Variants in ZNF765 observed in about 807,000 individuals in gnomAD.
ZNF765 encodes the protein zinc finger protein 765.
ZNF765 carries 37 observed loss-of-function variants against 44.7 expected under a neutral mutation model. That is an observed-to-expected ratio of 0.83 (90% CI 0.64 to 1.09). ZNF765 has a LOEUF of 1.09. Ranked by LOEUF, ZNF765 falls within the 50% of genes least tolerant of loss-of-function variation. ZNF765 has a pLI of 0.00. For missense variants in ZNF765, 594 were observed against 626.1 expected (o/e 0.95, Z 0.55); for synonymous variants, 201 against 213.7 (o/e 0.94, Z 0.52).
chr19:53,414,472 CACACACACACACACACA>C (rs2085860013), downstream of ZNF765, among the ~76,000 whole-genome samples: 4 of 18,312 alleles, frequency 2.2e-4, no homozygotes, highest in African/African-American at 1.1e-3. Context: ...CACACACACA[CACACACACACACACACA>C]CCCCCCCCCC....
At chr19:53,397,809 T>C in intron 1 of ZNF765, 134 bp from the exon 2 acceptor site, 1 of 905,606 alleles carries the variant, frequency 1.1e-6, no homozygotes, top group Non-Finnish European at 1.6e-6. Flanking sequence ...TGTAGGAGTT[T>C]ATTGTCCCTG....
chr19:53,412,070 T>G (rs754147037), downstream of ZNF765: 4 of 184,118 alleles, frequency 2.2e-5, no homozygotes, highest in Admixed American at 6.4e-5. Flanking sequence ...CCAGTATTGA[T>G]TGAATAGAAG....
At chr19:53,400,701 G>T (rs1235024213) in intron 2 of ZNF765, among the ~76,000 whole-genome samples, 1 of 147,450 alleles carries the variant, frequency 6.8e-6, no homozygotes, top group Admixed American at 6.8e-5. Context: ...TGGGGAAAAT[G>T]ACAACCCTTT....
chr19:53,409,983 A>T lies in ZNF765; in HGVS notation c.*856A>T, dbSNP rs1379208367. On this transcript the variant is annotated 3_prime_UTR_variant, in exon 4 of 4. Coordinates refer to ENST00000396408, the MANE Select transcript of ZNF765 (RefSeq NM_001040185.3). ...ATTGCAAATCATTGGAGAATCCATAATGAAGAGAGATCCTACAAGTGTGAT... is the reference window on the plus strand; with the variant it reads ...ATTGCAAATCATTGGAGAATCCATATTGAAGAGAGATCCTACAAGTGTGAT... The T allele has an allele frequency of 9.2e-6, 5 of 544,920 alleles. No individual in the cohort carries two copies. The highest frequency in any genetic ancestry group is 6.7e-5 in the Admixed American group (3 of 44,674). 33.8% of individuals were successfully genotyped at this position (544,920 alleles called of 1,614,324 possible).
exon 4 of ZNF765, chr19:53,425,973 TTGTC>T (rs2085936764): frequency 6.6e-6 from 1 of 152,412 alleles, no homozygotes; most frequent in Non-Finnish European, 1.5e-5. Context: ...TGGCATCTCT[TTGTC>T]TGTGTCTTTA....
chr19:53,407,707 C>T lies in ZNF765; in HGVS notation c.152C>T (p.Ser51Phe). The change falls in exon 4 of 4, where the codon TCC becomes TTC. Residue 51 changes from serine (S) to phenylalanine (F), a missense_variant. Ser to Phe is a radical substitution (Grantham distance 155). This residue lies in a region of ZNF765 where 567 missense variants were observed against 572.6 expected (regional missense o/e 0.99). Transcript: ENST00000396408. ...TGTGTATACTTTTTAGATATCTCTT[C>T]CAAATGCATGATGAAGGAGTTCTCG... is the stretch of plus-strand genomic sequence containing the variant. ...YRNLVSLDIS[S>F]KCMMKEFSST... The T allele has an allele frequency of 6.5e-7, 1 of 1,547,792 alleles. No individual in the cohort carries two copies. The highest frequency in any genetic ancestry group is 1.7e-4 in the Middle Eastern group (1 of 5,732).
intron 2 of ZNF765, among the ~76,000 whole-genome samples, chr19:53,399,732 T>A (rs1309673044): frequency 6.6e-6 from 1 of 152,024 alleles, no homozygotes; most frequent in African/African-American, 2.4e-5. Context: ...GTTTCTTACA[T>A]AGGTAAACTA....
chr19:53,409,658 C>A lies in ZNF765; in HGVS notation c.*531C>A. ...GCAAGACCTTTAGTCAGAACTCATACCTTACACGCCATCGTAGACTTCATA... is the reference window on the plus strand; with the variant it reads ...GCAAGACCTTTAGTCAGAACTCATAACTTACACGCCATCGTAGACTTCATA... On this transcript the variant is annotated 3_prime_UTR_variant, in exon 4 of 4. Coordinates refer to ENST00000396408, the MANE Select transcript of ZNF765 (RefSeq NM_001040185.3). 8.1e-7 allele frequency: 1 copy of A among 1,231,166 alleles called. No individual in the cohort carries two copies. Among genetic ancestry groups the A allele is most frequent in the Non-Finnish European group, 1.2e-6 (1 of 835,278 alleles). 76.3% of individuals were successfully genotyped at this position (1,231,166 alleles called of 1,614,324 possible).
chr19:53,395,998 GAAA>G (rs55835959), intron 1 of ZNF765, among the ~76,000 whole-genome samples: 108 of 144,120 alleles, frequency 7.5e-4, no homozygotes, highest in African/African-American at 9.8e-4. Flanking sequence ...AAATGTGGGG[GAAA>G]AAAAAAAAAA....
rs1373602740 is a variant in ZNF765, at chr19:53,408,722, C to G, written c.1167C>G (p.Ser389Arg). The change falls in exon 4 of 4, where the codon AGC (serine) becomes AGG (arginine). Residue 389 changes from serine (S) to arginine (R), a missense_variant. Coordinates refer to ENST00000396408, the MANE Select transcript of ZNF765 (RefSeq NM_001040185.3). ...GEKPYKCNEC[S>R]KTFSHKSSLT... Reference sequence around the variant, plus strand: ...AACCTTACAAGTGTAATGAGTGTAGCAAGACCTTTAGTCACAAGTCATCTC... The same window carrying G: ...AACCTTACAAGTGTAATGAGTGTAGGAAGACCTTTAGTCACAAGTCATCTC... 3 of 1,575,260 alleles carry G rather than the reference C, an allele frequency of 1.9e-6. No homozygotes were observed. The highest frequency in any genetic ancestry group is 8.6e-7 in the Non-Finnish European group (1 of 1,157,156).
At chr19:53,413,757 T>C (rs1203684483), downstream of ZNF765, among the ~76,000 whole-genome samples, 1 of 151,530 alleles carries the variant, frequency 6.6e-6, no homozygotes, top group Non-Finnish European at 1.5e-5. Flanking sequence ...CCTTGGACTT[T>C]ACTATATTGG....
chr19:53,405,665 A>G (rs4803104), intron 3 of ZNF765, among the ~76,000 whole-genome samples: 121,787 of 147,218 alleles, frequency 0.83, 50,664 homozygotes, highest in Admixed American at 0.87. Flanking sequence ...GTCAACACCC[A>G]TGACCAAATT....
At chr19:53,425,019 GAA>G (rs1447672623) in exon 4 of ZNF765, 2 of 152,210 alleles carry the variant, frequency 1.3e-5, no homozygotes, top group Non-Finnish European at 2.9e-5. Context: ...AGGGAGGATT[GAA>G]ATGAACTGTC....
chr19:53,414,490 C>CA (rs1568786145), downstream of ZNF765, among the ~76,000 whole-genome samples: 95 of 17,204 alleles, frequency 5.5e-3, 6 homozygotes, highest in South Asian at 0.016. Flanking sequence ...CACACACACA[C>CA]CCCCCCCCCC....
intron 3 of ZNF765, among the ~76,000 whole-genome samples, chr19:53,405,445 G>C (rs545742596): frequency 6.6e-6 from 1 of 151,806 alleles, no homozygotes; most frequent in Non-Finnish European, 1.5e-5. Context: ...CTTAAACTGG[G>C]AGGCTTCAGA....
At position 53,398,179 on chromosome 19, in the gene ZNF765, C is replaced by T. The variant is rs529643971; in HGVS notation, c.15+149C>T. 3.4e-6 allele frequency: 5 copies of T among 1,480,214 alleles called. No homozygotes were observed. In the South Asian group the frequency reaches 4.6e-5, roughly 14 times the overall value. The allele number at this position is 1,480,214 out of a possible 1,614,324, so 91.7% of individuals were successfully genotyped here. A position where few individuals can be genotyped will look rare whatever the true frequency, so the allele number is the denominator to read the frequency against. ...CCTTCCTTCATTCCCTCTTATCTTGCTTAGATTCCATCTCCCATGATCCAG... is the reference window on the plus strand; with the variant it reads ...CCTTCCTTCATTCCCTCTTATCTTGTTTAGATTCCATCTCCCATGATCCAG... On this transcript the variant is annotated intron_variant, in intron 2 of 3. Transcript: ENST00000396408.
At chr19:53,423,508 C>T in exon 4 of ZNF765, 1 of 411,798 alleles carries the variant, frequency 2.4e-6, no homozygotes, top group Non-Finnish European at 4.5e-6. Flanking sequence ...TCCTGGTGAG[C>T]ACGTTTGTGT....
intron 3 of ZNF765, 56 bp from the exon 4 acceptor site, chr19:53,407,642 A>G (rs2085787592): frequency 3.8e-6 from 5 of 1,307,884 alleles, no homozygotes; most frequent in Non-Finnish European, 5.2e-6. Flanking sequence ...TACACATTTC[A>G]GCATTATTTA....
chr19:53,414,343 G>A (rs1229843092), downstream of ZNF765, among the ~76,000 whole-genome samples: 1 of 149,884 alleles, frequency 6.7e-6, no homozygotes. Flanking sequence ...AGAGCAATAT[G>A]TGAGTTTCTA....
Sources: gnomAD v4.1 joint callset for allele counts (sites outside exome capture counted in the v4.1 genomes callset) on GRCh38, gnomAD v4.1.1 for gene constraint, gnomAD v4.1.1 regional missense constraint, MANE v1.5 for transcripts, NCBI Gene and HGNC (gene_info 2026-07-23, HGNC 2026-07-21) for gene names.